MME: variants seen among roughly 807,000 people sequenced by gnomAD.
MME encodes neprilysin.
In MME, 98 loss-of-function variants were observed where a neutral mutation model predicts 113.2. The ratio of observed to expected loss-of-function variants is 0.87; its 90% confidence interval spans 0.74 to 1.02. MME has a LOEUF of 1.02. Ranked by LOEUF, MME falls within the 50% of genes least tolerant of loss-of-function variation. The pLI is 0.00. For synonymous variants in MME, 292 were observed against 300.6 expected (o/e 0.97, Z 0.30); for missense variants, 836 against 896.0 (o/e 0.93, Z 0.86).
chr3:155,102,447 A>AT (rs1717335016), intron 3 of MME, among the ~76,000 whole-genome samples: 1 of 152,118 alleles, frequency 6.6e-6, no homozygotes, highest in Non-Finnish European at 1.5e-5. Flanking sequence ...CTGATAACTC[A>AT]TTGCACTGTT....
chr3:155,115,257 A>G, intron 4 of MME, 102 bp downstream of exon 4: 1 of 1,429,920 alleles, frequency 7.0e-7, no homozygotes, highest in Non-Finnish European at 9.7e-7. Flanking sequence ...ACAGAAGATT[A>G]AAAAGTTAAT....
intron 1 of MME, among the ~76,000 whole-genome samples, chr3:155,045,155 C>CTT (rs56672619): frequency 0.046 from 6,610 of 143,606 alleles, 177 homozygotes; most frequent in African/African-American, 0.062. Context: ...TATAAAAAGA[C>CTT]TTTTTTTTTT....
chr3:155,055,207 G>T (rs1713884544), intron 1 of MME, among the ~76,000 whole-genome samples: 1 of 152,152 alleles, frequency 6.6e-6, no homozygotes, highest in South Asian at 2.1e-4. Flanking sequence ...TCACACAATG[G>T]AATACATACA....
intron 1 of MME, among the ~76,000 whole-genome samples, chr3:155,028,323 T>G (rs1259011311): frequency 6.6e-6 from 1 of 152,224 alleles, no homozygotes; most frequent in Non-Finnish European, 1.5e-5. Context: ...TACATGAGAT[T>G]GGGTGGTTAC....
intron 14 of MME, 86 bp downstream of exon 14, chr3:155,144,543 A>G (rs1359025426): frequency 3.6e-6 from 3 of 842,564 alleles, no homozygotes; most frequent in Admixed American, 2.2e-5. Flanking sequence ...AAAAAATATA[A>G]TCAAAGATTG....
intron 22 of MME, among the ~76,000 whole-genome samples, chr3:155,178,308 A>G (rs552606322): frequency 6.6e-6 from 1 of 152,302 alleles, no homozygotes; most frequent in South Asian, 2.1e-4. Context: ...GGAGAGGGAT[A>G]GAGAAGTTAG....
chr3:155,108,102 T>A (rs928289638), intron 3 of MME, among the ~76,000 whole-genome samples: 3 of 152,196 alleles, frequency 2.0e-5, no homozygotes, highest in Non-Finnish European at 2.9e-5. Flanking sequence ...CATCTGTGTG[T>A]CCAGAAGCCC....
intron 1 of MME, among the ~76,000 whole-genome samples, chr3:155,048,359 T>G (rs1713637924): frequency 6.6e-6 from 1 of 152,128 alleles, no homozygotes; most frequent in South Asian, 2.1e-4. Context: ...GTCATTCAGT[T>G]TTTGCTCTCT....
At chr3:155,033,109 A>T (rs1025742291) in intron 1 of MME, among the ~76,000 whole-genome samples, 2 of 152,160 alleles carry the variant, frequency 1.3e-5, no homozygotes, top group African/African-American at 4.8e-5. Context: ...AAGAGGGGAG[A>T]TCTGGTTTCT....
At chr3:155,073,026 T>C (rs1714631803) in intron 1 of MME, among the ~76,000 whole-genome samples, 1 of 152,224 alleles carries the variant, frequency 6.6e-6, no homozygotes. Context: ...ATTGTTATGT[T>C]TCCTACAAAT....
chr3:155,110,335 G>A lies in MME; in HGVS notation c.197-4659G>A, dbSNP rs116507453. 4.2e-3 allele frequency among the ~76,000 whole-genome samples: 643 copies of A among 152,258 alleles called. 5 individuals are homozygous for A. Among genetic ancestry groups the A allele is most frequent in the African/African-American group, 0.014 (601 of 41,552 alleles). On this transcript the variant is annotated intron_variant, in intron 3 of 22. Transcript: ENST00000360490. Reference sequence around the variant, plus strand: ...GATCTTGGAAAAATTACTTAATCTTGTACAGCTAAAAAGTGGTGGAGCTCT... The same window carrying A: ...GATCTTGGAAAAATTACTTAATCTTATACAGCTAAAAAGTGGTGGAGCTCT...
intron 1 of MME, among the ~76,000 whole-genome samples, chr3:155,032,602 C>T (rs769482339): frequency 1.4e-4 from 21 of 152,154 alleles, no homozygotes; most frequent in Non-Finnish European, 2.5e-4. Flanking sequence ...AACAGATGCC[C>T]ACTGGCTCTG....
At chr3:155,108,279 G>A (rs1717864583) in intron 3 of MME, among the ~76,000 whole-genome samples, 1 of 152,100 alleles carries the variant, frequency 6.6e-6, no homozygotes. Context: ...TCAAAGACCT[G>A]CTAAGTAATG....
intron 3 of MME, among the ~76,000 whole-genome samples, chr3:155,094,946 T>C (rs1296076649): frequency 1.3e-5 from 2 of 152,224 alleles, no homozygotes; most frequent in Non-Finnish European, 2.9e-5. Flanking sequence ...CCACTGAGAA[T>C]GTGCAAAAAT....
intron 22 of MME, among the ~76,000 whole-genome samples, chr3:155,177,427 C>T (rs949388974): frequency 2.6e-5 from 4 of 152,188 alleles, no homozygotes; most frequent in Non-Finnish European, 5.9e-5. Flanking sequence ...ATCCTTGAGT[C>T]CCGCAACCTG....
intron 8 of MME, among the ~76,000 whole-genome samples, chr3:155,125,818 G>A (rs1816558): frequency 0.67 from 100,971 of 151,732 alleles, 33,781 homozygotes; most frequent in South Asian, 0.75. Context: ...AATCTTACAC[G>A]TTATTAGATA....
intron 14 of MME, among the ~76,000 whole-genome samples, 199 bp from the exon 15 acceptor site, chr3:155,146,945 T>A (rs1721560872): frequency 6.6e-6 from 1 of 152,150 alleles, no homozygotes; most frequent in Non-Finnish European, 1.5e-5. Flanking sequence ...CATTAGAAAC[T>A]CAATTTCAGA....
At chr3:155,156,892 T>A (rs998634732) in intron 16 of MME, among the ~76,000 whole-genome samples, 10 of 152,048 alleles carry the variant, frequency 6.6e-5, no homozygotes, top group South Asian at 4.1e-4. Flanking sequence ...GTGAAAAAAA[T>A]TTATTCTAGG....
At chr3:155,117,955 C>T (rs1718768547) in intron 7 of MME, among the ~76,000 whole-genome samples, 1 of 152,172 alleles carries the variant, frequency 6.6e-6, no homozygotes. Flanking sequence ...GTTTGGCCTC[C>T]ACACTCATGT....
Sources: gnomAD v4.1 joint callset for allele counts (sites outside exome capture counted in the v4.1 genomes callset) on GRCh38, gnomAD v4.1.1 for gene constraint, MANE v1.5 for transcripts, NCBI Gene and HGNC (gene_info 2026-07-23, HGNC 2026-07-21) for gene names.